Variants in SLC52A3 observed in about 807,000 individuals in gnomAD.
SLC52A3 encodes the protein solute carrier family 52, riboflavin transporter, member 3.
In SLC52A3, 20 loss-of-function variants were observed where a neutral mutation model predicts 29.5. The observed-to-expected ratio is 0.68, with a 90% CI of 0.48 to 0.99. The LOEUF is 0.99. Ranked by LOEUF, SLC52A3 falls within the 50% of genes least tolerant of loss-of-function variation. The pLI is 0.00. For synonymous variants in SLC52A3, 301 were observed against 271.0 expected, an observed-to-expected ratio of 1.11 and a Z score of -1.09; for missense variants, 548 against 612.9, an observed-to-expected ratio of 0.89 and a Z score of 1.12.
rs1330162018 is a variant in SLC52A3 at position 761,688 on chromosome 20, G to A, written c.1197+13C>T. ...GTACGCAGCGGGAGCAGCCCCACCG[G>A]CCGGATACTCACAATGAGGACTTCC... is the stretch of plus-strand genomic sequence containing the variant. On this transcript the variant is annotated intron_variant, in intron 4 of 4. Transcript: ENST00000645534. 3 of 1,613,316 alleles carry A rather than the reference G, an allele frequency of 1.9e-6. No individual in the cohort carries two copies. The highest frequency in any genetic ancestry group is 1.7e-6 in the Non-Finnish European group (2 of 1,179,882).
chr20:763,879 A>T lies in SLC52A3; in HGVS notation c.692T>A (p.Met231Lys), dbSNP rs776839725. 6.2e-7 allele frequency: 1 copy of T among 1,614,160 alleles called. No homozygotes were observed. Among genetic ancestry groups the T allele is most frequent in the South Asian group, 1.1e-5 (1 of 91,088 alleles). ...LVFFLLLSIM[M>K]ACCLVAFFVL... ...AAAGAACGCCACGAGGCAGCAGGCC[A>T]TCATGATGGATAGGAGGAGGAAGAA... Residue 231 changes from methionine to lysine, a missense_variant, in exon 3 of 5, where the codon ATG becomes AAG. Physicochemically the swap from Met to Lys is moderately conservative, Grantham distance 95 (BLOSUM62 -1). Around this residue, in one of 2 missense-constraint regions of SLC52A3, gnomAD observed 375 missense variants for 471.1 expected, o/e 0.80. Transcript: ENST00000645534.
rs753106817 is a variant in SLC52A3, at chr20:763,533, A to G, written c.1038T>C (p.Pro346=). ...GGAACATGGAGACCAACGAGGCAAG[A>G]GGGTTGGCCACAATGCTGAGGGTGG... ...LAATLSIVAN[P]LASLVSMFLP... is the part of the protein sequence containing the mutation. The change falls in exon 3 of 5, where the codon CCT becomes CCC. Residue 346 remains proline, a synonymous_variant. Coordinates refer to ENST00000645534, the MANE Select transcript of SLC52A3 (RefSeq NM_033409.4). 3 of 1,613,978 alleles carry G rather than the reference A, an allele frequency of 1.9e-6. No homozygotes were observed. The highest frequency in any genetic ancestry group is 2.5e-6 in the Non-Finnish European group (3 of 1,179,994).
upstream of SLC52A3, among the ~76,000 whole-genome samples, chr20:778,252 T>C (rs79542072): frequency 1.3e-3 from 194 of 152,228 alleles, no homozygotes; most frequent in African/African-American, 4.4e-3. Context: ...TGACCTCAGG[T>C]GATCTTCTTG....
chr20:764,386 A>G (rs887028663), intron 2 of SLC52A3, among the ~76,000 whole-genome samples: 1 of 152,164 alleles, frequency 6.6e-6, no homozygotes, highest in African/African-American at 2.4e-5. Context: ...GGCAACCACA[A>G]ACATGTTCAG....
In SLC52A3 at chr20:760,506, A is replaced by G. The variant is rs545493563; in HGVS notation, c.*520T>C. 2.9e-4 allele frequency: 47 copies of G among 160,638 alleles called. No homozygotes were observed. The highest frequency in any genetic ancestry group is 1.1e-3 in the African/African-American group (46 of 41,774). The allele number at this position is 160,638 out of a possible 1,614,324, so 10.0% of individuals were successfully genotyped here. A position where few individuals can be genotyped will look rare whatever the true frequency, so the allele number is the denominator to read the frequency against. ...CCTTCTGGCCACTTCTAGGTTGTGC[A>G]GACTGCCACTCTTGTTACTACGATG... is the stretch of plus-strand genomic sequence containing the variant. On this transcript the variant is annotated 3_prime_UTR_variant, in exon 5 of 5. Transcript: ENST00000645534. The surrounding 1 kb of genome is among the most constrained non-coding windows in gnomAD (Gnocchi z 4.9).
chr20:773,768 G>A (rs898852443), intron 1 of SLC52A3, among the ~76,000 whole-genome samples: 17 of 152,172 alleles, frequency 1.1e-4, no homozygotes, highest in Non-Finnish European at 2.5e-4. Flanking sequence ...TCCAGGCAAA[G>A]GTTTCTCTTT....
upstream of SLC52A3, among the ~76,000 whole-genome samples, chr20:777,554 C>T (rs1987096718): frequency 6.6e-6 from 1 of 152,196 alleles, no homozygotes; most frequent in African/African-American, 2.4e-5. Context: ...GGATGTAAAA[C>T]ATATTGCACA....
chr20:777,010 T>C (rs942979878), upstream of SLC52A3, among the ~76,000 whole-genome samples: 1 of 151,614 alleles, frequency 6.6e-6, no homozygotes, highest in Non-Finnish European at 1.5e-5. Context: ...CCGAGGCGGG[T>C]GGATTACCTG....
chr20:772,348 C>A (rs1440584737), upstream of SLC52A3, among the ~76,000 whole-genome samples: 2 of 152,218 alleles, frequency 1.3e-5, no homozygotes, highest in Non-Finnish European at 2.9e-5. Context: ...TGTGTCCCCA[C>A]GTGACCCATC....
Position 765,192 on chromosome 20 carries a change from G to A in SLC52A3, c.567+16C>T, listed in dbSNP as rs376004466. The A allele has an allele frequency of 2.7e-5, 43 of 1,613,872 alleles. No individual in the cohort carries two copies. In the African/African-American group the frequency reaches 2.9e-4, roughly 11 times the overall value. On this transcript the variant is annotated intron_variant, in intron 2 of 4. Coordinates refer to ENST00000645534, the MANE Select transcript of SLC52A3 (RefSeq NM_033409.4). The surrounding 1 kb of genome is among the most constrained non-coding windows in gnomAD (Gnocchi z 6.6). ...TAAAGCCAAGTGCTGAGATGGCTCC[G>A]GGTGATGCTGGGTACCTGTGCGATG...
intron 2 of SLC52A3, among the ~76,000 whole-genome samples, chr20:764,519 G>A (rs1986609672): frequency 6.6e-6 from 1 of 151,626 alleles, no homozygotes; most frequent in Admixed American, 6.6e-5. Context: ...CCCCACCTAA[G>A]GGGAGAGCCC....
At chr20:770,302 G>A (rs1406409246), upstream of SLC52A3, among the ~76,000 whole-genome samples, 2 of 151,948 alleles carry the variant, frequency 1.3e-5, no homozygotes, top group East Asian at 1.9e-4. The surrounding 1 kb of genome is among the most constrained non-coding windows in gnomAD (Gnocchi z 4.5). Flanking sequence ...GATTACAGGC[G>A]TGCACCACAA....
upstream of SLC52A3, among the ~76,000 whole-genome samples, chr20:777,623 G>A (rs529623580): frequency 6.6e-6 from 1 of 152,294 alleles, no homozygotes; most frequent in African/African-American, 2.4e-5. Context: ...ATTCTGGCCT[G>A]CCTGTTGTGT....
upstream of SLC52A3, among the ~76,000 whole-genome samples, chr20:769,997 A>G (rs965077556): frequency 1.3e-5 from 2 of 152,232 alleles, no homozygotes; most frequent in Non-Finnish European, 2.9e-5. Context: ...GCACATGGCC[A>G]TGTCATCAAG....
chr20:772,288 T>C (rs935243879), upstream of SLC52A3, among the ~76,000 whole-genome samples: 4 of 152,180 alleles, frequency 2.6e-5, no homozygotes, highest in African/African-American at 9.7e-5. Context: ...AGGGATGGGA[T>C]TTGGCTCCGG....
chr20:773,956 C>T (rs1986929452), intron 1 of SLC52A3, among the ~76,000 whole-genome samples: 1 of 152,126 alleles, frequency 6.6e-6, no homozygotes, highest in Non-Finnish European at 1.5e-5. Context: ...TTCTCCTGCC[C>T]TCTGTTTTCC....
At chr20:772,735 C>T (rs948629663), upstream of SLC52A3, among the ~76,000 whole-genome samples, 3 of 151,922 alleles carry the variant, frequency 2.0e-5, no homozygotes, top group Non-Finnish European at 2.9e-5. Flanking sequence ...GAAGCATTCA[C>T]GAAGCAGAAT....
intron 4 of SLC52A3, 38 bp downstream of exon 4, chr20:761,663 G>A (rs756835294): frequency 5.6e-6 from 9 of 1,611,376 alleles, no homozygotes; most frequent in Middle Eastern, 1.7e-4. Flanking sequence ...GGGGTGAGGG[G>A]TACGCAGCGG....
chr20:761,599 A>AC (rs1986482576), intron 4 of SLC52A3, 102 bp downstream of exon 4: 1 of 1,550,700 alleles, frequency 6.4e-7, no homozygotes, highest in Admixed American at 1.9e-5. Context: ...GGAGGGTCCC[A>AC]CAGACCCCGC....
Sources: gnomAD v4.1 joint callset for allele counts (sites outside exome capture counted in the v4.1 genomes callset) on GRCh38, gnomAD v4.1.1 for gene constraint, gnomAD v4.1.1 regional missense constraint, Gnocchi (gnomAD v3.1) non-coding constraint, MANE v1.5 for transcripts, NCBI Gene and HGNC (gene_info 2026-07-23, HGNC 2026-07-21) for gene names.